Variants in TTC23 observed in about 807,000 individuals in gnomAD.
TTC23 encodes tetratricopeptide repeat domain 23.
In TTC23, 58 loss-of-function variants were observed where a neutral mutation model predicts 55.1. The ratio of observed to expected loss-of-function variants is 1.05; its 90% CI spans 0.85 to 1.31. The LOEUF is 1.31. TTC23 is among the 50% of genes most tolerant of loss of function. The pLI is 0.00. For synonymous variants in TTC23, 203 were observed against 199.9 expected, an observed-to-expected ratio of 1.02 and a Z score of -0.13; for missense variants, 516 against 534.4, an observed-to-expected ratio of 0.97 and a Z score of 0.34.
intron 8 of TTC23, 142 bp downstream of exon 8, chr15:99,218,446 G>T: frequency 1.9e-6 from 2 of 1,080,660 alleles, no homozygotes; most frequent in Non-Finnish European, 2.7e-6. Flanking sequence ...ACATGACTGT[G>T]TTCCTCTTTT....
chr15:99,221,904 T>TA, intron 5 of TTC23, 40 bp from the exon 6 acceptor site: 2 of 1,605,288 alleles, frequency 1.2e-6, no homozygotes, highest in Non-Finnish European at 1.7e-6. Context: ...TTATACAACT[T>TA]AAGAGTCACA....
chr15:99,241,636 C>G (rs62025702), intron 2 of TTC23, 77 bp from the exon 3 acceptor site: 1 of 152,278 alleles, frequency 6.6e-6, no homozygotes, highest in African/African-American at 2.4e-5. Context: ...AGTGGAGTCT[C>G]AGTCTTCCAA....
intron 9 of TTC23, among the ~76,000 whole-genome samples, chr15:99,194,994 G>A (rs980118714): frequency 2.0e-5 from 3 of 152,148 alleles, no homozygotes; most frequent in African/African-American, 7.2e-5. Context: ...CATGACACAG[G>A]AGAAAATCTA....
chr15:99,222,949 A>G (rs1447356482), intron 5 of TTC23, among the ~76,000 whole-genome samples: 2 of 152,198 alleles, frequency 1.3e-5, no homozygotes, highest in Non-Finnish European at 2.9e-5. Context: ...GTGAGCCGAT[A>G]TCGTGCCACT....
At chr15:99,188,902 C>A (rs1338612443) in intron 9 of TTC23, among the ~76,000 whole-genome samples, 3 of 152,014 alleles carry the variant, frequency 2.0e-5, no homozygotes, top group African/African-American at 7.2e-5. Flanking sequence ...GGCAATTTGG[C>A]AACGTAGTAG....
rs782128561 is a variant in TTC23 at position 99,138,001 on chromosome 15, G to T, written c.*9C>A. ...CAGGAATGTCCTAGGCTTTTTCAGG[G>T]TGGGGGCCTCAGTCTGCTGTTGTGC... On this transcript the variant is annotated 3_prime_UTR_variant, in exon 14 of 14. Coordinates refer to ENST00000394132, the MANE Select transcript of TTC23 (RefSeq NM_001288615.3). The T allele has an allele frequency of 5.0e-6, 8 of 1,614,082 alleles. No individual in the cohort carries two copies. Among genetic ancestry groups the T allele is most frequent in the Non-Finnish European group, 6.8e-6 (8 of 1,180,002 alleles).
At chr15:99,185,459 C>T (rs772304648) in intron 9 of TTC23, among the ~76,000 whole-genome samples, 11 of 152,080 alleles carry the variant, frequency 7.2e-5, no homozygotes, top group Non-Finnish European at 1.3e-4. Flanking sequence ...AGTAGAGCAA[C>T]TGATGAATTT....
chr15:99,246,218 C>T (rs1455846469), intron 1 of TTC23, among the ~76,000 whole-genome samples: 1 of 152,192 alleles, frequency 6.6e-6, no homozygotes, highest in Non-Finnish European at 1.5e-5. Flanking sequence ...TCAAAAGACA[C>T]TATTATTAAA....
chr15:99,243,431 T>A lies in TTC23; in HGVS notation c.-308-1872A>T, dbSNP rs528313391. Among the ~76,000 whole-genome samples the A allele has an allele frequency of 5.3e-5, 8 of 152,302 alleles. 1 individual carries two copies. The South Asian group carries it at 1.7e-3, about 32-fold the overall frequency. Reference sequence around the variant, plus strand: ...TTATTACAGCCACTGTGGAGAACAGTATGGAAGTTCCTCAAAAAGCTAAAA... The same window carrying A: ...TTATTACAGCCACTGTGGAGAACAGAATGGAAGTTCCTCAAAAAGCTAAAA... On this transcript the variant is annotated intron_variant, in intron 2 of 13. Coordinates refer to ENST00000394132, the MANE Select transcript of TTC23 (RefSeq NM_001288615.3).
chr15:99,187,548 A>G (rs1037893921), intron 9 of TTC23, among the ~76,000 whole-genome samples: 3 of 151,814 alleles, frequency 2.0e-5, no homozygotes, highest in Admixed American at 6.6e-5. Context: ...ACATCAAGAA[A>G]GTCAAAAGAC....
intron 8 of TTC23, among the ~76,000 whole-genome samples, chr15:99,203,998 G>A (rs1347531074): frequency 2.0e-5 from 3 of 151,900 alleles, no homozygotes; most frequent in African/African-American, 7.3e-5. Context: ...TCCTTTTTGG[G>A]GGGTATATAC....
chr15:99,164,637 A>G (rs1302779631), intron 10 of TTC23, among the ~76,000 whole-genome samples: 2 of 152,180 alleles, frequency 1.3e-5, no homozygotes, highest in African/African-American at 4.8e-5. Flanking sequence ...ATTCCCTTCT[A>G]TCATTTCTAG....
Position 99,244,786 on chromosome 15 carries a change from T to C in TTC23, c.-309+603A>G, listed in dbSNP as rs186781266. 4.6e-5 allele frequency among the ~76,000 whole-genome samples: 7 copies of C among 152,176 alleles called. No homozygotes were observed. In the East Asian group the frequency reaches 1.4e-3, roughly 29 times the overall value. ...GAAATTAACAAGTTGATCCTTATTA[T>C]GGATGAATTAAGATGGAAATACGAG... is the stretch of plus-strand genomic sequence containing the variant. On this transcript the variant is annotated intron_variant, in intron 2 of 13. Transcript: ENST00000394132.
At chr15:99,223,526 C>G (rs1437315895) in intron 5 of TTC23, among the ~76,000 whole-genome samples, 1 of 152,176 alleles carries the variant, frequency 6.6e-6, no homozygotes, top group East Asian at 1.9e-4. Context: ...ACACCTTGGT[C>G]TTGGACTTCC....
At chr15:99,167,137 GGACA>G (rs35747956) in intron 10 of TTC23, among the ~76,000 whole-genome samples, 20,736 of 152,066 alleles carry the variant, frequency 0.14, 1,478 homozygotes, top group Admixed American at 0.17. Context: ...TCCTGGCAAT[GGACA>G]TCCCAGTCTA....
chr15:99,166,470 CAA>C (rs945084867), intron 10 of TTC23, among the ~76,000 whole-genome samples: 18 of 152,216 alleles, frequency 1.2e-4, no homozygotes, highest in African/African-American at 4.3e-4. Context: ...TCATATTTTC[CAA>C]AGAGGATGCT....
At chr15:99,174,942 G>T in intron 10 of TTC23, 108 bp downstream of exon 10, 1 of 801,042 alleles carries the variant, frequency 1.2e-6, no homozygotes, top group Non-Finnish European at 2.0e-6. Flanking sequence ...GGAAGGCTCT[G>T]TGGCGGGCCT....
chr15:99,164,780 A>C (rs898851491), intron 10 of TTC23, among the ~76,000 whole-genome samples: 1 of 152,158 alleles, frequency 6.6e-6, no homozygotes, highest in Non-Finnish European at 1.5e-5. Flanking sequence ...GTGCTTCCCA[A>C]GTGGCCTCCA....
At chr15:99,218,087 C>T (rs756018829) in intron 8 of TTC23, among the ~76,000 whole-genome samples, 17 of 152,244 alleles carry the variant, frequency 1.1e-4, no homozygotes, top group Admixed American at 5.2e-4. Context: ...AAAGTACTAA[C>T]TATGCACAAC....
Sources: gnomAD v4.1 joint callset for allele counts (sites outside exome capture counted in the v4.1 genomes callset) on GRCh38, gnomAD v4.1.1 for gene constraint, MANE v1.5 for transcripts, NCBI Gene and HGNC (gene_info 2026-07-23, HGNC 2026-07-21) for gene names.